GGT1: variants seen among roughly 807,000 people sequenced by gnomAD.
The protein encoded by GGT1 is gamma-glutamyltransferase 1.
In GGT1, 21 loss-of-function variants were observed where a neutral mutation model predicts 56.0. The ratio of observed to expected loss-of-function variants is 0.38; its 90% CI spans 0.27 to 0.54. GGT1 has a LOEUF of 0.54. Ranked by LOEUF, GGT1 falls within the 20% of genes least tolerant of loss-of-function variation. The probability of loss-of-function intolerance (pLI) is 0.82; values close to 1 mark genes in which losing one functional copy is unlikely to be tolerated. For missense variants in GGT1, 466 were observed against 787.0 expected (o/e 0.59, Z 4.88); for synonymous variants, 238 against 342.6 (o/e 0.69, Z 3.37).
chr22:24,596,747 A>G (rs2147189628), intron 1 of GGT1, among the ~76,000 whole-genome samples: 1 of 149,038 alleles, frequency 6.7e-6, no homozygotes, highest in Non-Finnish European at 1.5e-5. Flanking sequence ...AAATACAAAA[A>G]AAAAAAAAAA....
intron 2 of GGT1, among the ~76,000 whole-genome samples, chr22:24,608,658 T>G (rs1223452639): frequency 1.3e-5 from 2 of 152,186 alleles, no homozygotes; most frequent in Non-Finnish European, 2.9e-5. Flanking sequence ...TTGTTTTTGT[T>G]TTTTTGCATT....
Position 24,628,901 on chromosome 22 carries a change from A to G in GGT1, c.*62A>G, listed in dbSNP as rs1009609446. ...GACAAGATACTCACCAGGACCAGGA[A>G]GGGGACTCTGGGGGACCGGCTTCCC... On this transcript the variant is annotated 3_prime_UTR_variant, in exon 16 of 16. Coordinates refer to ENST00000400382, the MANE Select transcript of GGT1 (RefSeq NM_001288833.2). The surrounding 1 kb of genome is among the most constrained non-coding windows in gnomAD (Gnocchi z 5.7). 3.1e-6 allele frequency: 5 copies of G among 1,596,224 alleles called. No homozygotes were observed. The African/African-American group carries it at 6.7e-5, about 21-fold the overall frequency.
the GGT1 span, among the ~76,000 whole-genome samples, chr22:24,586,958 A>G: frequency 6.6e-6 from 1 of 152,182 alleles, no homozygotes; most frequent in African/African-American, 2.4e-5. Flanking sequence ...TTCTTCATGA[A>G]CTATTATTTG....
In GGT1 at chr22:24,610,298, C is replaced by T. The variant is rs1226834808; in HGVS notation, c.-241C>T. The T allele has an allele frequency of 8.6e-5, 26 of 300,746 alleles. No homozygotes were observed. Among genetic ancestry groups the T allele is most frequent in the East Asian group, 8.5e-4 (9 of 10,534 alleles). The allele number at this position is 300,746 out of a possible 1,614,324, so 18.6% of individuals were successfully genotyped here. On this transcript the variant is annotated 5_prime_UTR_variant, in exon 4 of 16. It adds an upstream start codon to the 5' untranslated region. Coordinates refer to ENST00000400382, the MANE Select transcript of GGT1 (RefSeq NM_001288833.2). ...CAGCTAGAGGCAGAGGGAGGTAACACGGAGTCCCCCAGAAAGGTCTGGGCT... is the reference window on the plus strand; with the variant it reads ...CAGCTAGAGGCAGAGGGAGGTAACATGGAGTCCCCCAGAAAGGTCTGGGCT...
chr22:24,614,630 AAG>A, intron 5 of GGT1, 144 bp from the exon 6 acceptor site: 7 of 715,466 alleles, frequency 9.8e-6, no homozygotes, highest in East Asian at 2.7e-5. Context: ...AAAAAAAAAA[AAG>A]AAAGAAAGAA....
chr22:24,596,200 C>A (rs2045689206), intron 1 of GGT1, among the ~76,000 whole-genome samples: 1 of 152,168 alleles, frequency 6.6e-6, no homozygotes, highest in South Asian at 2.1e-4. Context: ...GGATGTGTAA[C>A]CATAGGCAGA....
intron 1 of GGT1, chr22:24,594,900 C>G (rs1023252048): frequency 6.6e-6 from 1 of 152,556 alleles, no homozygotes; most frequent in Admixed American, 6.5e-5. Flanking sequence ...AGCCCTCCTC[C>G]TCTTCCCCTG....
the GGT1 span, chr22:24,585,666 C>T: frequency 6.8e-6 from 4 of 591,488 alleles, no homozygotes; most frequent in South Asian, 8.4e-5. Flanking sequence ...GGGGTCCACA[C>T]TGTGGGTGCT....
upstream of GGT1, chr22:24,599,364 C>CA (rs796490845): frequency 0.021 from 2,025 of 94,400 alleles, 44 homozygotes; most frequent in African/African-American, 0.066. Context: ...TGCCCCACTC[C>CA]AAAAAAAAAA....
chr22:24,616,611 C>T (rs1162459200), intron 7 of GGT1, among the ~76,000 whole-genome samples: 3 of 142,812 alleles, frequency 2.1e-5, no homozygotes, highest in Non-Finnish European at 3.0e-5. Flanking sequence ...GTGGCACGAT[C>T]TCGGCTCACT....
chr22:24,585,655 C>T, the GGT1 span: 40 of 570,874 alleles, frequency 7.0e-5, no homozygotes, highest in Admixed American at 4.2e-4. Context: ...CTCTTTATTG[C>T]GGGGTCCACA....
upstream of GGT1, among the ~76,000 whole-genome samples, chr22:24,601,289 C>T (rs1225860017): frequency 3.3e-5 from 5 of 152,368 alleles, no homozygotes; most frequent in Non-Finnish European, 5.9e-5. Context: ...CAACCCCACC[C>T]CGCCATGGCC....
Position 24,620,764 on chromosome 22 carries a change from C to T in GGT1, c.576-149C>T, listed in dbSNP as rs1569061584. On this transcript the variant is annotated intron_variant, in intron 8 of 15. Transcript: ENST00000400382. The surrounding 1 kb of genome is among the most constrained non-coding windows in gnomAD (Gnocchi z 5.6). ...CACTAGGAAGCTCCCGGAAGGGACA[C>T]TAGGAAGACGAGCGCTGAGTGACAG... 6.9e-7 allele frequency: 1 copy of T among 1,458,318 alleles called. No homozygotes were observed. The highest frequency in any genetic ancestry group is 9.1e-7 in the Non-Finnish European group (1 of 1,099,362). The allele number at this position is 1,458,318 out of a possible 1,614,324, so 90.3% of individuals were successfully genotyped here.
At chr22:24,586,710 T>C in the GGT1 span, among the ~76,000 whole-genome samples, 1 of 152,372 alleles carries the variant, frequency 6.6e-6, no homozygotes, top group African/African-American at 2.4e-5. Context: ...TTTGTATTTT[T>C]AGTAGAGGCG....
upstream of GGT1, among the ~76,000 whole-genome samples, chr22:24,602,761 C>A (rs1375830218): frequency 2.6e-5 from 4 of 152,118 alleles, no homozygotes; most frequent in Non-Finnish European, 5.9e-5. Flanking sequence ...GGGGAGAGGG[C>A]CTGTTAGGAG....
rs1352917087 is a variant in GGT1, at chr22:24,605,050, AT to A, written c.-429+1525del. ...TATATATATATAAAATATGTAATAT[AT>A]TATATATTATATGTAATATATAATA... On this transcript the variant is annotated intron_variant, in intron 1 of 15. Transcript: ENST00000400382. Among the ~76,000 whole-genome samples the A allele has an allele frequency of 5.1e-4, 35 of 68,998 alleles. 9 individuals carry two copies. The highest frequency in any genetic ancestry group is 6.1e-4 in the Non-Finnish European group (24 of 39,522). The allele number at this position is 68,998 out of a possible 152,430, so 45.3% of individuals were successfully genotyped here.
In GGT1 at chr22:24,610,097, A is replaced by G; in HGVS notation, c.-290+64A>G. On this transcript the variant is annotated intron_variant, in intron 3 of 15. Coordinates refer to ENST00000400382, the MANE Select transcript of GGT1 (RefSeq NM_001288833.2). ...CGGTGCCCCCTGAGCCCCCTTTGCC[A>G]TGCTGACCACATGCACATCCTGGGC... The G allele has an allele frequency of 4.6e-6, 2 of 436,440 alleles. 1 individual carries two copies. Among genetic ancestry groups the G allele is most frequent in the Non-Finnish European group, 9.5e-6 (2 of 210,844 alleles). The allele number at this position is 436,440 out of a possible 1,614,324, so 27.0% of individuals were successfully genotyped here. A position where few individuals can be genotyped will look rare whatever the true frequency, so the allele number is the denominator to read the frequency against.
At chr22:24,585,923 C>G in the GGT1 span, 1 of 1,605,996 alleles carries the variant, frequency 6.2e-7, no homozygotes, top group South Asian at 1.1e-5. Context: ...GGGTCCCAGC[C>G]CAGCAGCTGT....
At chr22:24,593,015 C>A, upstream of GGT1, 2 of 1,091,506 alleles carry the variant, frequency 1.8e-6, no homozygotes, top group Middle Eastern at 4.0e-4. Flanking sequence ...TCGGGCCCGG[C>A]CCGCCGGCCC....
Sources: gnomAD v4.1 joint callset for allele counts (sites outside exome capture counted in the v4.1 genomes callset) on GRCh38, gnomAD v4.1.1 for gene constraint, Gnocchi (gnomAD v3.1) non-coding constraint, MANE v1.5 for transcripts, NCBI Gene and HGNC (gene_info 2026-07-23, HGNC 2026-07-21) for gene names.